MYO5B: variants seen among roughly 807,000 people sequenced by gnomAD.
MYO5B encodes the protein myosin VB, also known as unconventional myosin-Vb.
Under a neutral mutation model 229.3 loss-of-function variants are expected in MYO5B, and 143 were observed. The ratio of observed to expected loss-of-function variants is 0.62; its 90% confidence interval spans 0.54 to 0.72. The LOEUF (loss-of-function observed/expected upper bound fraction) is 0.72, where lower values mean the gene tolerates loss of function less well. Among genes scored for constraint, MYO5B ranks in the 30% least tolerant of loss-of-function variants. MYO5B has a pLI of 0.00. For synonymous variants in MYO5B, 918 were observed against 885.2 expected, an observed-to-expected ratio of 1.04 and a Z score of -0.66; for missense variants, 2,321 against 2,331.0, an observed-to-expected ratio of 1.00 and a Z score of 0.09.
At position 49,963,049 on chromosome 18, in the gene MYO5B, A is replaced by G. The variant is rs1212990468; in HGVS notation, c.1323-19T>C. 5.6e-6 allele frequency: 9 copies of G among 1,604,948 alleles called. No individual in the cohort carries two copies. Among genetic ancestry groups the G allele is most frequent in the Non-Finnish European group, 7.7e-6 (9 of 1,171,762 alleles). ...CTCAAACCTACAGAATGGAAAGAGAAGATAAGAGACGTCTCCTTTCAACAA... is the reference window on the plus strand; with the variant it reads ...CTCAAACCTACAGAATGGAAAGAGAGGATAAGAGACGTCTCCTTTCAACAA... On this transcript the variant is annotated intron_variant, in intron 10 of 39. Transcript: ENST00000285039.
intron 17 of MYO5B, among the ~76,000 whole-genome samples, chr18:49,913,961 C>A (rs1676358619): frequency 7.9e-6 from 1 of 126,666 alleles, no homozygotes; most frequent in South Asian, 2.4e-4. Flanking sequence ...ATCATCTTCC[C>A]ACTCTAACCC....
In MYO5B at chr18:49,864,303, G is replaced by T; in HGVS notation, c.3681C>A (p.Ala1227=). The change falls in exon 28 of 40, where the codon GCC becomes GCA. Residue 1227 remains alanine (A), a synonymous_variant. Transcript: ENST00000285039. The part of the protein sequence containing the change: ...NELRKAVADQ[A]TQNNSSHGSP... ...AGCCGTGGCTGGAGTTATTCTGCGT[G>T]GCTTGGTCGGCCACGGCTTTCCTCA... is the stretch of plus-strand genomic sequence containing the variant. 1 of 1,614,174 alleles carries T rather than the reference G, an allele frequency of 6.2e-7. No individual in the cohort carries two copies. Among genetic ancestry groups the T allele is most frequent in the Non-Finnish European group, 8.5e-7 (1 of 1,180,048 alleles).
At chr18:49,946,886 A>G (rs2025379653) in intron 14 of MYO5B, among the ~76,000 whole-genome samples, 1 of 152,166 alleles carries the variant, frequency 6.6e-6, no homozygotes, top group African/African-American at 2.4e-5. Context: ...AATGAACATA[A>G]GAGATCTAGT....
At chr18:49,868,552 G>A (rs1029106863) in intron 27 of MYO5B, among the ~76,000 whole-genome samples, 6 of 152,334 alleles carry the variant, frequency 3.9e-5, no homozygotes, top group Admixed American at 2.0e-4. Flanking sequence ...CACTGCTGCT[G>A]GCCGTAAGCA....
intron 27 of MYO5B, 108 bp from the exon 28 acceptor site, chr18:49,864,488 T>G: frequency 6.7e-7 from 1 of 1,481,922 alleles, no homozygotes; most frequent in Admixed American, 1.8e-5. Context: ...ACTTCGCTCT[T>G]TAAACGTTGA....
At chr18:49,854,658 A>C (rs2024239754) in intron 30 of MYO5B, among the ~76,000 whole-genome samples, 1 of 152,242 alleles carries the variant, frequency 6.6e-6, no homozygotes, top group Non-Finnish European at 1.5e-5. Flanking sequence ...CCAGGAATGC[A>C]CATAACAATT....
intron 16 of MYO5B, among the ~76,000 whole-genome samples, chr18:49,932,588 T>C (rs954087350): frequency 6.6e-6 from 1 of 152,140 alleles, no homozygotes; most frequent in Admixed American, 6.5e-5. Flanking sequence ...CTGTACCTCA[T>C]TTTCCTCATT....
At chr18:50,160,403 G>A (rs915950082) in intron 1 of MYO5B, among the ~76,000 whole-genome samples, 1 of 152,226 alleles carries the variant, frequency 6.6e-6, no homozygotes, top group African/African-American at 2.4e-5. Context: ...ATGGAAAGCA[G>A]AGGTTCCCTG....
At chr18:49,951,458 G>C (rs934684663) in intron 14 of MYO5B, among the ~76,000 whole-genome samples, 1 of 152,050 alleles carries the variant, frequency 6.6e-6, no homozygotes, top group African/African-American at 2.4e-5. Context: ...ACATGTGTCG[G>C]TTACCACTAT....
At chr18:50,055,191 A>C (rs928522917) in intron 2 of MYO5B, 77 bp downstream of exon 2, 15 of 986,290 alleles carry the variant, frequency 1.5e-5, no homozygotes, top group Non-Finnish European at 2.4e-5. Flanking sequence ...ACAATGTACT[A>C]TCTACTCCTG....
intron 39 of MYO5B, among the ~76,000 whole-genome samples, chr18:49,831,939 A>ACAT (rs1304024820): frequency 6.6e-6 from 1 of 152,214 alleles, no homozygotes; most frequent in Non-Finnish European, 1.5e-5. Flanking sequence ...GCATGCTACA[A>ACAT]CATGGATGAC....
chr18:49,911,998 G>T, intron 18 of MYO5B, 64 bp downstream of exon 18: 2 of 1,222,080 alleles, frequency 1.6e-6, no homozygotes, highest in South Asian at 1.2e-5. Context: ...AGATAACGAC[G>T]CCACCCCCTC....
At chr18:49,953,186 G>A in intron 14 of MYO5B, 74 bp downstream of exon 14, 1 of 1,373,630 alleles carries the variant, frequency 7.3e-7, no homozygotes, top group Non-Finnish European at 1.0e-6. Context: ...CCCCAAGGAG[G>A]TTGCATCACC....
chr18:50,072,044 A>G (rs1015573027), intron 1 of MYO5B, among the ~76,000 whole-genome samples: 1 of 152,188 alleles, frequency 6.6e-6, no homozygotes, highest in African/African-American at 2.4e-5. Context: ...AGAAGTCATC[A>G]AGGTCTCCTT....
At chr18:49,950,225 G>C (rs776435973) in intron 14 of MYO5B, among the ~76,000 whole-genome samples, 1 of 152,206 alleles carries the variant, frequency 6.6e-6, no homozygotes, top group Non-Finnish European at 1.5e-5. Flanking sequence ...TTGTTGCTGG[G>C]ATGGGGACAG....
At position 49,853,699 on chromosome 18, in the gene MYO5B, C is replaced by G. The variant is rs370107666; in HGVS notation, c.4023-52G>C. The G allele has an allele frequency of 5.5e-5, 86 of 1,552,482 alleles. 1 individual carries two copies. In the Middle Eastern group the frequency reaches 6.3e-4, roughly 11 times the overall value. ...ACGTGGCCCAGGCCAGGGCCCCCAT[C>G]TGAGGGGACACAGGCAGAAACATAA... On this transcript the variant is annotated intron_variant, in intron 30 of 39. Transcript: ENST00000285039.
chr18:50,191,913 T>C (rs2033233049), intron 1 of MYO5B, among the ~76,000 whole-genome samples: 1 of 152,144 alleles, frequency 6.6e-6, no homozygotes, highest in African/African-American at 2.4e-5. Flanking sequence ...AGACCAAACA[T>C]CAAATTTATG....
At chr18:50,077,484 AAC>A (rs67439768) in intron 1 of MYO5B, among the ~76,000 whole-genome samples, 9 of 108,134 alleles carry the variant, frequency 8.3e-5, no homozygotes, top group Non-Finnish European at 1.3e-4. Context: ...ATCAAGGCAA[AAC>A]ACACACACAC....
At chr18:50,098,594 G>C (rs1363377444) in intron 1 of MYO5B, 4 of 152,326 alleles carry the variant, frequency 2.6e-5, no homozygotes, top group South Asian at 4.1e-4. Flanking sequence ...CAGTGGCATG[G>C]GGACTGGATT....
Sources: allele counts gnomAD v4.1 joint callset (sites outside exome capture counted in the v4.1 genomes callset), GRCh38; gene constraint gnomAD v4.1.1; transcripts MANE v1.5; gene names NCBI Gene and HGNC (gene_info 2026-07-23, HGNC 2026-07-21).